DLGAP1: variants seen among roughly 807,000 people sequenced by gnomAD.
DLGAP1 encodes disks large-associated protein 1.
In DLGAP1, 11 loss-of-function variants were observed where a neutral mutation model predicts 90.8. The observed-to-expected ratio is 0.12, with a 90% CI of 0.08 to 0.20. The LOEUF is 0.20. Ranked by LOEUF, DLGAP1 falls within the 10% of genes least tolerant of loss-of-function variation. The pLI is 1.00. For synonymous variants in DLGAP1, 558 were observed against 540.7 expected (o/e 1.03, Z -0.44); for missense variants, 1,050 against 1,333.8 (o/e 0.79, Z 3.31).
chr18:3,845,188 C>A (rs761957791), intron 4 of DLGAP1: 1 of 1,603,134 alleles, frequency 6.2e-7, no homozygotes, highest in Non-Finnish European at 8.5e-7. Flanking sequence ...CACAAAGAAA[C>A]GATTTATTTT....
At chr18:3,832,639 T>C (rs1170305491) in intron 4 of DLGAP1, among the ~76,000 whole-genome samples, 3 of 152,192 alleles carry the variant, frequency 2.0e-5, no homozygotes, top group Non-Finnish European at 4.4e-5. Context: ...AAAAAAATGT[T>C]TTGTGTTGGA....
rs201782312 is a variant in DLGAP1 at position 4,204,525 on chromosome 18, G to GT, written c.-266-53239dup. Among the ~76,000 whole-genome samples, 42 of 147,708 alleles carry GT rather than the reference G, an allele frequency of 2.8e-4. 1 individual carries two copies. The highest frequency in any genetic ancestry group is 1.9e-3 in the South Asian group (9 of 4,620). On this transcript the variant is annotated intron_variant, in intron 1 of 12. Coordinates refer to ENST00000315677, the MANE Select transcript of DLGAP1 (RefSeq NM_004746.4). ...CTGTTGTGGTTTTTTTTTTGTTTTTGTTTTTTTTTCTGACCGCAGTGCATC... is the reference window on the plus strand; with the variant it reads ...CTGTTGTGGTTTTTTTTTTGTTTTTGTTTTTTTTTTCTGACCGCAGTGCATC...
At chr18:3,641,602 C>G (rs2058947590) in intron 7 of DLGAP1, among the ~76,000 whole-genome samples, 1 of 150,218 alleles carries the variant, frequency 6.7e-6, no homozygotes, top group Non-Finnish European at 1.5e-5. Context: ...CACACACACA[C>G]ACACACACAC....
At chr18:3,916,569 A>G (rs1197957299) in intron 3 of DLGAP1, among the ~76,000 whole-genome samples, 1 of 152,168 alleles carries the variant, frequency 6.6e-6, no homozygotes, top group African/African-American at 2.4e-5. Context: ...ATTCACTCAC[A>G]TGCTATAATA....
At chr18:3,755,338 C>T (rs2063677228) in intron 5 of DLGAP1, among the ~76,000 whole-genome samples, 3 of 151,986 alleles carry the variant, frequency 2.0e-5, no homozygotes, top group African/African-American at 4.8e-5. Context: ...TATCAAAAGG[C>T]TGAGATTGTC....
intron 7 of DLGAP1, among the ~76,000 whole-genome samples, chr18:3,639,388 A>G (rs2058841851): frequency 3.3e-5 from 5 of 151,896 alleles, no homozygotes; most frequent in Admixed American, 6.6e-5. Flanking sequence ...AAAGAAAAGA[A>G]AAGAAAAGAA....
intron 1 of DLGAP1, among the ~76,000 whole-genome samples, chr18:4,302,445 A>G (rs926501420): frequency 2.0e-5 from 3 of 152,098 alleles, no homozygotes; most frequent in Admixed American, 6.5e-5. Context: ...TTGAAAATCA[A>G]TGTACATACG....
At chr18:4,242,061 C>G (rs2078546965) in intron 1 of DLGAP1, among the ~76,000 whole-genome samples, 1 of 151,974 alleles carries the variant, frequency 6.6e-6, no homozygotes, top group Non-Finnish European at 1.5e-5. Flanking sequence ...TCATGAAAAC[C>G]ATCAGGCGCC....
intron 5 of DLGAP1, among the ~76,000 whole-genome samples, chr18:3,799,499 C>CTT (rs36090682): frequency 0.016 from 2,242 of 144,200 alleles, 29 homozygotes; most frequent in Admixed American, 0.021. Flanking sequence ...AACGTAGTGC[C>CTT]TTTTTTTTTT....
chr18:4,331,361 T>C (rs1367055586), intron 1 of DLGAP1, among the ~76,000 whole-genome samples: 1 of 151,644 alleles, frequency 6.6e-6, no homozygotes, highest in Non-Finnish European at 1.5e-5. Context: ...ATTCCTCTTT[T>C]CTCCTACCCA....
intron 5 of DLGAP1, 82 bp downstream of exon 5, chr18:3,813,977 T>TA: frequency 1.4e-6 from 2 of 1,401,546 alleles, no homozygotes; most frequent in South Asian, 2.3e-5. Flanking sequence ...CTGCCCCACT[T>TA]ACTCTAGGAG....
At chr18:4,087,422 G>A (rs1320639753) in intron 2 of DLGAP1, among the ~76,000 whole-genome samples, 2 of 152,174 alleles carry the variant, frequency 1.3e-5, no homozygotes, top group Non-Finnish European at 2.9e-5. Flanking sequence ...TAGCATGAGC[G>A]ATCTGTGCCT....
At chr18:3,610,677 AC>A (rs1191859681) in intron 7 of DLGAP1, among the ~76,000 whole-genome samples, 1 of 150,672 alleles carries the variant, frequency 6.6e-6, no homozygotes. Context: ...TACTAAAAAT[AC>A]AAAAAAAAAA....
At chr18:3,776,531 C>G (rs145171822) in intron 5 of DLGAP1, among the ~76,000 whole-genome samples, 2 of 152,242 alleles carry the variant, frequency 1.3e-5, no homozygotes, top group African/African-American at 4.8e-5. Context: ...TCTTGGCTTC[C>G]TTGCTTAGGG....
intron 1 of DLGAP1, among the ~76,000 whole-genome samples, chr18:4,268,649 T>C (rs79123483): frequency 0.027 from 4,101 of 152,302 alleles, 121 homozygotes; most frequent in African/African-American, 0.068. Context: ...TATGGCAGAA[T>C]TGTTAGGTTT....
chr18:4,091,527 G>T (rs2075772939), intron 2 of DLGAP1, among the ~76,000 whole-genome samples: 1 of 151,908 alleles, frequency 6.6e-6, no homozygotes, highest in South Asian at 2.1e-4. Context: ...ATTTGATATT[G>T]TTTAACAGCT....
chr18:4,420,034 G>A (rs1041155627), intron 1 of DLGAP1, among the ~76,000 whole-genome samples: 1 of 152,086 alleles, frequency 6.6e-6, no homozygotes, highest in African/African-American at 2.4e-5. Flanking sequence ...ACCCAAGAAA[G>A]CAAGGGTAGC....
intron 1 of DLGAP1, among the ~76,000 whole-genome samples, chr18:4,153,091 TTATTA>T (rs1190833584): frequency 6.6e-6 from 1 of 152,244 alleles, no homozygotes; most frequent in African/African-American, 2.4e-5. Flanking sequence ...GAAATTCATT[TTATTA>T]TAATTGGTTT....
intron 1 of DLGAP1, among the ~76,000 whole-genome samples, chr18:4,278,481 A>C (rs2079469357): frequency 6.6e-6 from 1 of 151,960 alleles, no homozygotes; most frequent in African/African-American, 2.4e-5. Context: ...ATTAGTTCAC[A>C]CTCTATGTCC....
Sources: allele counts gnomAD v4.1 joint callset (sites outside exome capture counted in the v4.1 genomes callset), GRCh38; gene constraint gnomAD v4.1.1; transcripts MANE v1.5; gene names NCBI Gene and HGNC (gene_info 2026-07-23, HGNC 2026-07-21).